Variants in SPPL2B observed in about 807,000 individuals in gnomAD.
SPPL2B encodes signal peptide peptidase like 2B, also known as signal peptide peptidase-like 2B.
In SPPL2B, 39 loss-of-function variants were observed where a neutral mutation model predicts 59.7. That is an observed-to-expected ratio of 0.65 (90% CI 0.51 to 0.85). The LOEUF is 0.85. SPPL2B is among the 40% of genes least tolerant of loss of function. The pLI, the probability that SPPL2B is intolerant of heterozygous loss-of-function variation, is 0.00. For synonymous variants in SPPL2B, 419 were observed against 370.8 expected, an observed-to-expected ratio of 1.13 and a Z score of -1.49; for missense variants, 865 against 849.0, an observed-to-expected ratio of 1.02 and a Z score of -0.23.
At chr19:2,350,294 C>A (rs977082629) in intron 13 of SPPL2B, among the ~76,000 whole-genome samples, 2 of 147,120 alleles carry the variant, frequency 1.4e-5, no homozygotes, top group East Asian at 3.9e-4. Context: ...CACACACTCA[C>A]GCGCTGTCAT....
At position 2,340,615 on chromosome 19, in the gene SPPL2B, A is replaced by AG. The variant is rs1298732460; in HGVS notation, c.840-281dup. Reference sequence around the variant, plus strand: ...TTTGTGTTGCCGTCCCTGGGTGAGGAGGTGGGAGGTCTGGAGCAGGCAGGG... The same window carrying AG: ...TTTGTGTTGCCGTCCCTGGGTGAGGAGGGTGGGAGGTCTGGAGCAGGCAGGG... On this transcript the variant is annotated intron_variant, in intron 7 of 14. Coordinates refer to ENST00000613503, the MANE Select transcript of SPPL2B (RefSeq NM_152988.3). 7 of 550,558 alleles carry AG rather than the reference A, an allele frequency of 1.3e-5. 1 individual carries two copies. In the African/African-American group the frequency reaches 1.3e-4, roughly 11 times the overall value. 34.1% of individuals were successfully genotyped at this position (550,558 alleles called of 1,614,324 possible).
intron 2 of SPPL2B, among the ~76,000 whole-genome samples, chr19:2,336,310 G>A (rs1186595675): frequency 2.6e-5 from 4 of 151,602 alleles, no homozygotes; most frequent in African/African-American, 9.7e-5. Context: ...GTGTGTGTAA[G>A]CATGTAGCTA....
chr19:2,334,883 C>A (rs552334064), intron 2 of SPPL2B, among the ~76,000 whole-genome samples, 162 bp downstream of exon 2: 8 of 152,324 alleles, frequency 5.3e-5, no homozygotes, highest in African/African-American at 1.7e-4. Context: ...CCTGGGCCTC[C>A]CCAACCCTGG....
chr19:2,337,209 C>G (rs1968701188), intron 2 of SPPL2B: 3 of 439,610 alleles, frequency 6.8e-6, no homozygotes, highest in South Asian at 8.7e-5. Context: ...CAGGGGACAG[C>G]CATGTCTGTG....
intron 13 of SPPL2B, among the ~76,000 whole-genome samples, chr19:2,350,634 T>G (rs1434710645): frequency 1.3e-5 from 2 of 152,274 alleles, no homozygotes; most frequent in African/African-American, 4.8e-5. Context: ...TGTGTTCTTA[T>G]CTGTACTGAA....
chr19:2,352,972 C>T lies in SPPL2B; in HGVS notation c.1542C>T (p.Ala514=), dbSNP rs1409206861. Residue 514 remains alanine (A), a synonymous_variant, in exon 15 of 15, where the codon GCC becomes GCT. Coordinates refer to ENST00000613503, the MANE Select transcript of SPPL2B (RefSeq NM_152988.3). ...FAKVLPPSPW[A]PAPADGPQPP... is the part of the protein sequence containing the mutation. Reference sequence around the variant, plus strand: ...AAGTCCTACCTCCATCTCCGTGGGCCCCAGCACCAGCCGACGGCCCGCAGC... The same window carrying T: ...AAGTCCTACCTCCATCTCCGTGGGCTCCAGCACCAGCCGACGGCCCGCAGC... 2 of 1,612,230 alleles carry T rather than the reference C, an allele frequency of 1.2e-6. No individual in the cohort carries two copies. The highest frequency in any genetic ancestry group is 8.5e-7 in the Non-Finnish European group (1 of 1,179,706).
chr19:2,347,728 ACG>A (rs1451625037), intron 13 of SPPL2B, among the ~76,000 whole-genome samples: 2 of 41,428 alleles, frequency 4.8e-5, no homozygotes, highest in Non-Finnish European at 8.8e-5. Flanking sequence ...ACACACACTC[ACG>A]CGCTCTCATT....
chr19:2,341,017 A>T lies in SPPL2B; in HGVS notation c.956+3A>T, dbSNP rs1968999392. ...GGCGTCTTCCGCAACGAGGACCAGTAAGTGCTGCTTCCCCCGGGCCCCGGC... is the reference window on the plus strand; with the variant it reads ...GGCGTCTTCCGCAACGAGGACCAGTTAGTGCTGCTTCCCCCGGGCCCCGGC... On this transcript the variant is annotated splice_donor_region_variant and intron_variant, in intron 8 of 14. Coordinates refer to ENST00000613503, the MANE Select transcript of SPPL2B (RefSeq NM_152988.3). The T allele has an allele frequency of 6.2e-7, 1 of 1,600,142 alleles. No individual in the cohort carries two copies. The highest frequency in any genetic ancestry group is 8.5e-7 in the Non-Finnish European group (1 of 1,176,448).
intron 1 of SPPL2B, among the ~76,000 whole-genome samples, chr19:2,331,453 G>C (rs1158521171): frequency 2.0e-5 from 3 of 152,078 alleles, no homozygotes; most frequent in African/African-American, 7.2e-5. Context: ...TAGAACTCAG[G>C]GCCCTCTTAG....
intron 13 of SPPL2B, among the ~76,000 whole-genome samples, chr19:2,349,197 T>C (rs1222781615): frequency 8.6e-5 from 2 of 23,312 alleles, no homozygotes; most frequent in Non-Finnish European, 1.7e-4. Context: ...GTCATTCGCT[T>C]GATTCCGTTC....
Position 2,343,203 on chromosome 19 carries a change from T to A in SPPL2B, c.957-8T>A. The A allele has an allele frequency of 6.4e-7, 1 of 1,552,644 alleles. No homozygotes were observed. The highest frequency in any genetic ancestry group is 8.7e-7 in the Non-Finnish European group (1 of 1,147,784). On this transcript the variant is annotated splice_region_variant and splice_polypyrimidine_tract_variant and intron_variant, in intron 8 of 14. Transcript: ENST00000613503. ...CTGCCCCGGCGAGGATGCTGCTTTG[T>A]CTTGCAGGTGGGCCTGGGTCCTCCA...
chr19:2,346,504 G>C (rs1969379613), intron 13 of SPPL2B, among the ~76,000 whole-genome samples: 1 of 152,098 alleles, frequency 6.6e-6, no homozygotes, highest in South Asian at 2.1e-4. Flanking sequence ...TGTCTCTGCA[G>C]AAGAATGCAA....
At chr19:2,338,914 G>A (rs999157120) in intron 4 of SPPL2B, 73 bp downstream of exon 4, 3 of 1,536,250 alleles carry the variant, frequency 2.0e-6, no homozygotes, top group Non-Finnish European at 2.7e-6. Flanking sequence ...CTGCCGGGGG[G>A]GTTTGTGCCT....
chr19:2,330,949 G>T (rs992733426), intron 1 of SPPL2B, among the ~76,000 whole-genome samples: 3 of 152,230 alleles, frequency 2.0e-5, no homozygotes, highest in African/African-American at 4.8e-5. Flanking sequence ...GTCCCTGGAG[G>T]GGGGCAGTGC....
rs1277549256 is a variant in SPPL2B, at chr19:2,332,932, A to G, written c.67-1670A>G. On this transcript the variant is annotated intron_variant, in intron 1 of 14. Coordinates refer to ENST00000613503, the MANE Select transcript of SPPL2B (RefSeq NM_152988.3). The surrounding 1 kb of genome is among the most constrained non-coding windows in gnomAD (Gnocchi z 4.6). ...GGAGCAGAAGGAAGGTGGGGATGGC[A>G]GGTGCGGGCGGCTGGACTGGGCTCT... 7.6e-6 allele frequency among the ~76,000 whole-genome samples: 1 copy of G among 132,184 alleles called. No homozygotes were observed. Among genetic ancestry groups the G allele is most frequent in the African/African-American group, 2.9e-5 (1 of 35,044 alleles). The allele number at this position is 132,184 out of a possible 152,430, so 86.7% of individuals were successfully genotyped here. A position where few individuals can be genotyped will look rare whatever the true frequency, so the allele number is the denominator to read the frequency against.
At chr19:2,348,759 A>G (rs1969667556) in intron 13 of SPPL2B, among the ~76,000 whole-genome samples, 7 of 144,180 alleles carry the variant, frequency 4.9e-5, no homozygotes, top group Non-Finnish European at 9.3e-5. Context: ...CTCTCCACAC[A>G]CACTCACGCG....
rs1395221306 is a variant in SPPL2B at position 2,339,928 on chromosome 19, C to G, written c.704C>G (p.Ser235Cys). 1 of 1,564,318 alleles carries G rather than the reference C, an allele frequency of 6.4e-7. No individual in the cohort carries two copies. Among genetic ancestry groups the G allele is most frequent in the Non-Finnish European group, 8.7e-7 (1 of 1,154,228 alleles). The change falls in exon 6 of 15, where the codon TCC becomes TGC. Residue 235 changes from serine to cysteine, a missense_variant. Physicochemically the swap from Ser to Cys is moderately radical, Grantham distance 112 (BLOSUM62 -1). Coordinates refer to ENST00000613503, the MANE Select transcript of SPPL2B (RefSeq NM_152988.3). The part of the protein sequence containing the change: ...MTCVFVVMCC[S>C]MLVLLYYFYD... The stretch of plus-strand genomic sequence containing the variant: ...TGCGTGTTTGTGGTGATGTGCTGCT[C>G]CATGCTGGTGCTGCTCTACTATTTC...
In SPPL2B at chr19:2,353,328, C is replaced by T; in HGVS notation, c.*119C>T. 8.1e-7 allele frequency: 1 copy of T among 1,240,402 alleles called. No individual in the cohort carries two copies. The highest frequency in any genetic ancestry group is 1.1e-6 in the Non-Finnish European group (1 of 920,690). 76.8% of individuals were successfully genotyped at this position (1,240,402 alleles called of 1,614,324 possible). ...CCGGGACCGAGGCCTGTGCCGTCCCCACCCGCCCCAACATGGTGCTCATCC... is the reference window on the plus strand; with the variant it reads ...CCGGGACCGAGGCCTGTGCCGTCCCTACCCGCCCCAACATGGTGCTCATCC... On this transcript the variant is annotated 3_prime_UTR_variant, in exon 15 of 15. Coordinates refer to ENST00000613503, the MANE Select transcript of SPPL2B (RefSeq NM_152988.3).
Position 2,353,029 on chromosome 19 carries a change from G to A in SPPL2B, c.1599G>A (p.Pro533=), listed in dbSNP as rs763872225. The A allele has an allele frequency of 5.6e-6, 9 of 1,611,956 alleles. No individual in the cohort carries two copies. The highest frequency in any genetic ancestry group is 2.2e-5 in the East Asian group (1 of 44,862). The change falls in exon 15 of 15, where the codon CCG becomes CCA. Residue 533 remains proline, a synonymous_variant. Transcript: ENST00000613503. ...PPKDSATPLS[P]QPPSEEPATS... is the part of the protein sequence containing the mutation. Reference sequence around the variant, plus strand: ...AAGACTCTGCCACGCCACTCTCCCCGCAGCCGCCCAGCGAAGAACCAGCCA... The same window carrying A: ...AAGACTCTGCCACGCCACTCTCCCCACAGCCGCCCAGCGAAGAACCAGCCA...
Sources: gnomAD v4.1 joint callset for allele counts (sites outside exome capture counted in the v4.1 genomes callset) on GRCh38, gnomAD v4.1.1 for gene constraint, Gnocchi (gnomAD v3.1) non-coding constraint, MANE v1.5 for transcripts, NCBI Gene and HGNC (gene_info 2026-07-23, HGNC 2026-07-21) for gene names.